Variants in LARS2 observed in about 807,000 individuals in gnomAD.
The protein encoded by LARS2 is leucine--tRNA ligase, mitochondrial.
A neutral mutation model predicts 116.6 loss-of-function variants in LARS2; 81 were observed. The observed-to-expected ratio is 0.69, with a 90% confidence interval of 0.58 to 0.84. LARS2 has a LOEUF of 0.84. LARS2 is among the 40% of genes least tolerant of loss of function. The pLI, the probability that LARS2 is intolerant of heterozygous loss-of-function variation, is 0.00. For missense variants in LARS2, 968 were observed against 1,114.5 expected (o/e 0.87, Z 1.87); for synonymous variants, 396 against 407.2 (o/e 0.97, Z 0.33).
chr3:45,395,571 AG>A (rs757693519), intron 3 of LARS2, among the ~76,000 whole-genome samples: 53 of 152,244 alleles, frequency 3.5e-4, no homozygotes, highest in Admixed American at 8.5e-4. Context: ...ATCTCTTTGT[AG>A]TAGTTATAGT....
In LARS2 at chr3:45,458,816, G is replaced by A. The variant is rs1246915283; in HGVS notation, c.680G>A (p.Trp227Ter). The A allele has an allele frequency of 6.2e-7, 1 of 1,614,116 alleles. No homozygotes were observed. Among genetic ancestry groups the A allele is most frequent in the South Asian group, 1.1e-5 (1 of 91,084 alleles). ...NEQVDEHGCSWRSGAKVEQKY... is the reference protein window; with the variant it reads ...NEQVDEHGCS ...CAGGTGGATGAACATGGCTGTTCAT[G>A]GCGTTCTGGAGCAAAGGTGGAACAG... Residue 227 changes from tryptophan to a stop codon, truncating the protein, a stop_gained, in exon 8 of 22, where the codon TGG becomes TAG. Transcript: ENST00000645846. LOFTEE classifies it high-confidence loss of function.
At chr3:45,486,480 T>C (rs934972484) in intron 11 of LARS2, among the ~76,000 whole-genome samples, 4 of 152,208 alleles carry the variant, frequency 2.6e-5, no homozygotes, top group Non-Finnish European at 5.9e-5. Flanking sequence ...GACAGACCTG[T>C]GCATTTTTCA....
intron 20 of LARS2, among the ~76,000 whole-genome samples, chr3:45,530,144 AAT>A (rs375421367): frequency 2.2e-4 from 34 of 152,346 alleles, no homozygotes; most frequent in Admixed American, 5.9e-4. Flanking sequence ...CCAGTTTAAC[AAT>A]ATGATATTTA....
intron 15 of LARS2, among the ~76,000 whole-genome samples, chr3:45,504,989 G>A (rs779724368): frequency 7.9e-5 from 12 of 151,684 alleles, no homozygotes; most frequent in African/African-American, 2.4e-4. Context: ...GCTGAGGCAC[G>A]AGAATTGCTT....
chr3:45,414,517 C>T (rs1040838066), intron 4 of LARS2, among the ~76,000 whole-genome samples: 8 of 152,020 alleles, frequency 5.3e-5, no homozygotes, highest in South Asian at 2.1e-4. Flanking sequence ...TCTCAGTATT[C>T]GTCATTATTT....
intron 6 of LARS2, among the ~76,000 whole-genome samples, chr3:45,424,558 AT>A (rs1698563122): frequency 6.6e-6 from 1 of 152,212 alleles, no homozygotes; most frequent in African/African-American, 2.4e-5. Context: ...ACATGTGTAG[AT>A]TTGTGTAACC....
chr3:45,496,052 G>T (rs1423185115), intron 13 of LARS2, among the ~76,000 whole-genome samples: 1 of 152,012 alleles, frequency 6.6e-6, no homozygotes, highest in Non-Finnish European at 1.5e-5. Flanking sequence ...GTAGAGATGG[G>T]GTTTCACCAT....
intron 7 of LARS2, among the ~76,000 whole-genome samples, chr3:45,453,906 C>T (rs150945026): frequency 4.0e-4 from 60 of 151,578 alleles, no homozygotes; most frequent in African/African-American, 1.3e-3. Context: ...GGGAGAGAGG[C>T]GGGGAAAACA....
chr3:45,513,760 T>C (rs1700328904), intron 16 of LARS2, among the ~76,000 whole-genome samples: 2 of 152,286 alleles, frequency 1.3e-5, no homozygotes, highest in African/African-American at 4.8e-5. Flanking sequence ...GTCCCAGCTC[T>C]CCCAAGCCTT....
intron 4 of LARS2, among the ~76,000 whole-genome samples, chr3:45,411,818 ATT>A (rs1335700091): frequency 6.6e-6 from 1 of 151,868 alleles, no homozygotes; most frequent in Non-Finnish European, 1.5e-5. Context: ...CCCAATAGTT[ATT>A]TTTTCTGCTC....
chr3:45,389,482 G>A (rs1230297135), intron 1 of LARS2, among the ~76,000 whole-genome samples: 1 of 152,186 alleles, frequency 6.6e-6, no homozygotes, highest in East Asian at 1.9e-4. Context: ...GAAGGAAGGC[G>A]GTCTTGGGAC....
intron 6 of LARS2, among the ~76,000 whole-genome samples, chr3:45,445,094 G>A (rs986799861): frequency 2.0e-5 from 3 of 152,098 alleles, no homozygotes; most frequent in Non-Finnish European, 2.9e-5. Context: ...AGTTCATCTT[G>A]GGGACAACAG....
intron 6 of LARS2, among the ~76,000 whole-genome samples, chr3:45,424,786 A>G (rs963711928): frequency 3.3e-5 from 5 of 152,124 alleles, no homozygotes; most frequent in Admixed American, 6.5e-5. Flanking sequence ...TTTGATTAAC[A>G]GTTGTAGGTC....
chr3:45,428,784 G>A (rs1374945392), intron 6 of LARS2, among the ~76,000 whole-genome samples: 4 of 152,012 alleles, frequency 2.6e-5, no homozygotes, highest in Non-Finnish European at 5.9e-5. Context: ...TGAAAGAATA[G>A]TACAATAAAC....
At chr3:45,390,514 G>A (rs964059187) in intron 1 of LARS2, among the ~76,000 whole-genome samples, 2 of 151,118 alleles carry the variant, frequency 1.3e-5, no homozygotes, top group African/African-American at 4.9e-5. Flanking sequence ...GGGTTTCACC[G>A]TGTTAGCCAG....
At chr3:45,507,796 T>C (rs1304761511) in intron 15 of LARS2, among the ~76,000 whole-genome samples, 14 of 152,118 alleles carry the variant, frequency 9.2e-5, no homozygotes, top group Non-Finnish European at 2.1e-4. Context: ...TAGCTATCTC[T>C]GGGTGGTGAG....
intron 20 of LARS2, among the ~76,000 whole-genome samples, chr3:45,530,951 A>G (rs1158579157): frequency 1.3e-5 from 2 of 152,234 alleles, no homozygotes; most frequent in African/African-American, 4.8e-5. Flanking sequence ...TAAACTTAGA[A>G]TTAATTCAGG....
intron 11 of LARS2, 93 bp downstream of exon 11, chr3:45,485,889 A>G (rs1009696560): frequency 2.4e-5 from 16 of 680,018 alleles, no homozygotes; most frequent in African/African-American, 1.8e-4. Flanking sequence ...AGAGCTGACT[A>G]TAGATTCCAT....
chr3:45,528,031 G>A (rs761421959), intron 20 of LARS2, among the ~76,000 whole-genome samples: 3 of 152,244 alleles, frequency 2.0e-5, no homozygotes, highest in South Asian at 2.1e-4. Context: ...GCATCTTAGC[G>A]CAGATCATTG....
Sources: allele counts gnomAD v4.1 joint callset (sites outside exome capture counted in the v4.1 genomes callset), GRCh38; gene constraint gnomAD v4.1.1; transcripts MANE v1.5; gene names NCBI Gene and HGNC (gene_info 2026-07-23, HGNC 2026-07-21).